The following ZMAT5 variants were observed in gnomAD, a reference collection of about 807,000 sequenced individuals.
The protein encoded by ZMAT5 is zinc finger matrin-type 5.
ZMAT5 carries 23 observed loss-of-function variants against 28.0 expected under a neutral mutation model. The ratio of observed to expected loss-of-function variants is 0.82; its 90% CI spans 0.59 to 1.16. The LOEUF (loss-of-function observed/expected upper bound fraction) is 1.16, where lower values mean the gene tolerates loss of function less well. Ranked by LOEUF, ZMAT5 falls within the 50% of genes most tolerant of loss-of-function variation. The pLI is 0.00. For synonymous variants in ZMAT5, 76 were observed against 84.1 expected, an observed-to-expected ratio of 0.90 and a Z score of 0.52; for missense variants, 173 against 212.7, an observed-to-expected ratio of 0.81 and a Z score of 1.16.
intron 1 of ZMAT5, among the ~76,000 whole-genome samples, chr22:29,749,822 C>T (rs186967250): frequency 6.0e-4 from 91 of 152,242 alleles, no homozygotes; most frequent in African/African-American, 2.0e-3. Context: ...AGGGGCTCTT[C>T]GTGCTTTGCT....
At position 29,731,021 on chromosome 22, in the gene ZMAT5, G is replaced by T; in HGVS notation, c.*204C>A. 2.2e-6 allele frequency: 1 copy of T among 458,870 alleles called. No individual in the cohort carries two copies. Among genetic ancestry groups the T allele is most frequent in the Non-Finnish European group, 3.8e-6 (1 of 264,984 alleles). 28.4% of individuals were successfully genotyped at this position (458,870 alleles called of 1,614,324 possible). On this transcript the variant is annotated 3_prime_UTR_variant, in exon 6 of 6. Coordinates refer to ENST00000344318, the MANE Select transcript of ZMAT5 (RefSeq NM_001003692.2). ...TCCCCCATCTTCTTAAGAAGCAGGG[G>T]GGCAGGTGGAGGAGAGTGAGGGGAG...
At chr22:29,765,343 T>C (rs1467662060) in intron 1 of ZMAT5, among the ~76,000 whole-genome samples, 1 of 151,856 alleles carries the variant, frequency 6.6e-6, no homozygotes, top group Admixed American at 6.6e-5. Flanking sequence ...TGCTTGAACA[T>C]GGGTGGCAGA....
intron 4 of ZMAT5, 38 bp downstream of exon 4, chr22:29,740,612 C>A (rs753383627): frequency 2.6e-6 from 4 of 1,558,910 alleles, no homozygotes; most frequent in Non-Finnish European, 2.6e-6. Flanking sequence ...TGCCCCAGCA[C>A]CCCACTCCCG....
At chr22:29,751,092 C>T (rs1404908966) in intron 1 of ZMAT5, among the ~76,000 whole-genome samples, 2 of 152,168 alleles carry the variant, frequency 1.3e-5, no homozygotes, top group African/African-American at 4.8e-5. Context: ...AAGAGATGAA[C>T]GTTTAACGGC....
intron 5 of ZMAT5, among the ~76,000 whole-genome samples, chr22:29,733,650 A>G (rs890195867): frequency 6.6e-6 from 1 of 152,222 alleles, no homozygotes; most frequent in Non-Finnish European, 1.5e-5. Flanking sequence ...CCTAGCTGCC[A>G]GCCAAGCCTG....
chr22:29,762,421 G>A (rs1035150066), intron 1 of ZMAT5, among the ~76,000 whole-genome samples: 4 of 152,264 alleles, frequency 2.6e-5, no homozygotes, highest in Non-Finnish European at 4.4e-5. Flanking sequence ...AGTGGCAGGT[G>A]AGTAAGCGAA....
intron 1 of ZMAT5, among the ~76,000 whole-genome samples, chr22:29,763,322 G>A (rs1601733151): frequency 1.3e-5 from 1 of 76,894 alleles, no homozygotes; most frequent in East Asian, 6.0e-4. Context: ...AAATAAATAA[G>A]GCCAGGTGCG....
At chr22:29,759,929 G>A (rs994832316) in intron 1 of ZMAT5, among the ~76,000 whole-genome samples, 2 of 152,046 alleles carry the variant, frequency 1.3e-5, no homozygotes, top group African/African-American at 4.8e-5. Context: ...GGCCGGGCAC[G>A]GTGGCTCATG....
rs543934335 is a variant in ZMAT5 at position 29,740,824 on chromosome 22, C to A, written c.191-94G>T. On this transcript the variant is annotated intron_variant, in intron 3 of 5. Transcript: ENST00000344318. ...ATGAGGGATCCCAGAATCTTAGGGGCAGGACTTCAGGGCCTAAAGAATAGC... is the reference window on the plus strand; with the variant it reads ...ATGAGGGATCCCAGAATCTTAGGGGAAGGACTTCAGGGCCTAAAGAATAGC... 13 of 1,127,272 alleles carry A rather than the reference C, an allele frequency of 1.2e-5. No individual in the cohort carries two copies. In the East Asian group the frequency reaches 3.3e-4, roughly 29 times the overall value. The allele number at this position is 1,127,272 out of a possible 1,614,324, so 69.8% of individuals were successfully genotyped here.
At chr22:29,756,286 G>C (rs1419279023) in intron 1 of ZMAT5, among the ~76,000 whole-genome samples, 2 of 152,218 alleles carry the variant, frequency 1.3e-5, no homozygotes, top group African/African-American at 4.8e-5. Context: ...ATCTGGAGTT[G>C]ATGGCATCAG....
chr22:29,759,632 G>A (rs1210858292), intron 1 of ZMAT5, among the ~76,000 whole-genome samples: 1 of 151,872 alleles, frequency 6.6e-6, no homozygotes, highest in Non-Finnish European at 1.5e-5. Context: ...TAGCCAGTTG[G>A]GGTGTCATGT....
intron 1 of ZMAT5, among the ~76,000 whole-genome samples, chr22:29,751,518 A>T (rs2068055181): frequency 6.6e-6 from 1 of 152,228 alleles, no homozygotes; most frequent in African/African-American, 2.4e-5. Flanking sequence ...TATATGCATC[A>T]TCTCATTTAA....
At chr22:29,762,366 A>C (rs758312034) in intron 1 of ZMAT5, among the ~76,000 whole-genome samples, 5 of 152,230 alleles carry the variant, frequency 3.3e-5, no homozygotes, top group Non-Finnish European at 5.9e-5. Context: ...CCGGAACGGT[A>C]CGGGTCCATG....
At chr22:29,749,320 G>A (rs553003246) in intron 1 of ZMAT5, among the ~76,000 whole-genome samples, 6 of 151,976 alleles carry the variant, frequency 3.9e-5, no homozygotes, top group African/African-American at 9.7e-5. Flanking sequence ...GTGTCCTCCC[G>A]CCTTGGCCCC....
intron 1 of ZMAT5, among the ~76,000 whole-genome samples, chr22:29,761,767 AGAGT>A: frequency 6.6e-6 from 1 of 152,338 alleles, no homozygotes; most frequent in Non-Finnish European, 1.5e-5. Flanking sequence ...GTTAAAATAT[AGAGT>A]TAGTGACAAA....
intron 3 of ZMAT5, 21 bp from the exon 4 acceptor site, chr22:29,740,751 T>A (rs770757761): frequency 6.3e-7 from 1 of 1,576,582 alleles, no homozygotes; most frequent in East Asian, 2.3e-5. Flanking sequence ...AAGACAGAGT[T>A]ACTCGCTGCT....
chr22:29,745,091 C>T (rs1201948422), intron 2 of ZMAT5, among the ~76,000 whole-genome samples: 1 of 152,256 alleles, frequency 6.6e-6, no homozygotes, highest in Non-Finnish European at 1.5e-5. Flanking sequence ...AAGTGGAGAA[C>T]AAGTCGGAGC....
At chr22:29,760,217 A>C (rs1208391329) in intron 1 of ZMAT5, among the ~76,000 whole-genome samples, 1 of 151,358 alleles carries the variant, frequency 6.6e-6, no homozygotes, top group Non-Finnish European at 1.5e-5. Flanking sequence ...TAAAAAAATA[A>C]AAAAAATTAG....
At chr22:29,755,718 G>A (rs2147233942) in intron 1 of ZMAT5, among the ~76,000 whole-genome samples, 1 of 135,590 alleles carries the variant, frequency 7.4e-6, no homozygotes, top group East Asian at 2.3e-4. Flanking sequence ...AACAATTACT[G>A]TTAGTGTCAG....
Sources: gnomAD v4.1 joint callset for allele counts (sites outside exome capture counted in the v4.1 genomes callset) on GRCh38, gnomAD v4.1.1 for gene constraint, MANE v1.5 for transcripts, NCBI Gene and HGNC (gene_info 2026-07-23, HGNC 2026-07-21) for gene names.